ARSG: variants seen among roughly 807,000 people sequenced by gnomAD.
The protein encoded by ARSG is ASG.
A neutral mutation model predicts 50.5 loss-of-function variants in ARSG; 37 were observed. That is an observed-to-expected ratio of 0.73 (90% CI 0.56 to 0.96). ARSG has a LOEUF of 0.96. Among genes scored for constraint, ARSG ranks in the 50% least tolerant of loss-of-function variants. ARSG has a pLI of 0.00. For missense variants in ARSG, 629 were observed against 675.3 expected, an observed-to-expected ratio of 0.93 and a Z score of 0.76; for synonymous variants, 225 against 254.6, an observed-to-expected ratio of 0.88 and a Z score of 1.11.
intron 8 of ARSG, chr17:68,379,828 G>A (rs926131585): frequency 1.2e-5 from 12 of 985,226 alleles, no homozygotes; most frequent in African/African-American, 5.2e-5. Flanking sequence ...TGTGATCTCT[G>A]CTATTTTCTC....
Position 68,393,679 on chromosome 17 carries a change from C to T in ARSG, c.1092-1394C>T, listed in dbSNP as rs1322331450. 2.0e-5 allele frequency among the ~76,000 whole-genome samples: 3 copies of T among 151,944 alleles called. No homozygotes were observed. The East Asian group carries it at 5.8e-4, about 29-fold the overall frequency. ...GTCAGGAGTTTGAGACCAACCTGGC[C>T]AACACGGCGAAACCCCATCTCTACT... On this transcript the variant is annotated intron_variant, in intron 9 of 11. Coordinates refer to ENST00000621439, the MANE Select transcript of ARSG (RefSeq NM_001267727.2).
intron 8 of ARSG, chr17:68,379,793 C>A (rs1779995516): frequency 1.0e-6 from 1 of 984,754 alleles, no homozygotes; most frequent in Non-Finnish European, 1.2e-6. Context: ...AAACACTAGG[C>A]ATGCCCAACC....
At chr17:68,432,305 G>A in the ARSG span, among the ~76,000 whole-genome samples, 1 of 152,198 alleles carries the variant, frequency 6.6e-6, no homozygotes, top group Admixed American at 6.5e-5. Context: ...GGCAGCGTGG[G>A]CTTGCTTTAA....
chr17:68,307,736 C>A (rs782367778), intron 2 of ARSG, 25 bp downstream of exon 2: 5 of 1,300,152 alleles, frequency 3.8e-6, no homozygotes, highest in South Asian at 1.2e-5. Flanking sequence ...GCCAGGCCAG[C>A]CTTTCTTTGG....
chr17:68,437,783 T>C, the ARSG span, among the ~76,000 whole-genome samples: 2 of 151,706 alleles, frequency 1.3e-5, no homozygotes, highest in African/African-American at 4.8e-5. Flanking sequence ...ACATAAGCTG[T>C]TTTTATTTAT....
intron 2 of ARSG, among the ~76,000 whole-genome samples, chr17:68,327,522 C>T (rs149754568): frequency 0.014 from 2,185 of 152,188 alleles, 14 homozygotes; most frequent in Non-Finnish European, 0.021. Context: ...GCCATCTTCC[C>T]TCTGTGTGTC....
chr17:68,340,611 TCCCAAG>T (rs978874958), intron 2 of ARSG, among the ~76,000 whole-genome samples: 1 of 152,140 alleles, frequency 6.6e-6, no homozygotes, highest in African/African-American at 2.4e-5. Context: ...GCCCACATTG[TCCCAAG>T]TTTGGCCAGG....
At chr17:68,314,136 C>T (rs782066310) in intron 2 of ARSG, among the ~76,000 whole-genome samples, 3 of 152,100 alleles carry the variant, frequency 2.0e-5, no homozygotes, top group African/African-American at 4.8e-5. Context: ...TCTGTGGCCC[C>T]GGGCAAACTG....
intron 9 of ARSG, among the ~76,000 whole-genome samples, chr17:68,391,694 C>T (rs1195864249): frequency 6.6e-6 from 1 of 152,200 alleles, no homozygotes; most frequent in African/African-American, 2.4e-5. Flanking sequence ...TTTCAGACTG[C>T]TTTGTGGTCC....
At chr17:68,326,011 C>A (rs1442208530) in intron 2 of ARSG, among the ~76,000 whole-genome samples, 1 of 152,074 alleles carries the variant, frequency 6.6e-6, no homozygotes, top group East Asian at 1.9e-4. Flanking sequence ...GAGTGCAGGA[C>A]CCGAGCTGCT....
the ARSG span, among the ~76,000 whole-genome samples, chr17:68,441,584 C>T: frequency 8.9e-4 from 135 of 152,238 alleles, 1 homozygote; most frequent in African/African-American, 3.1e-3. Context: ...TGAAGGTTCC[C>T]GAGTGAGGAC....
intron 1 of ARSG, chr17:68,270,976 A>G: frequency 3.1e-6 from 5 of 1,614,228 alleles, no homozygotes; most frequent in South Asian, 1.1e-5. Context: ...TGTTCCAACC[A>G]TAAACCCAAA....
chr17:68,332,269 A>G (rs2077809121), intron 2 of ARSG, among the ~76,000 whole-genome samples: 1 of 152,236 alleles, frequency 6.6e-6, no homozygotes, highest in Non-Finnish European at 1.5e-5. Context: ...TTTTGAAAGA[A>G]GAGAAATATA....
downstream of ARSG, chr17:68,421,648 T>C (rs1185888339): frequency 2.2e-5 from 30 of 1,391,560 alleles, no homozygotes; most frequent in South Asian, 3.1e-4. Flanking sequence ...GTTTAAGCAG[T>C]GGAGCACCCG....
Position 68,414,648 on chromosome 17 carries a change from C to G in ARSG, c.1304-5541C>G, listed in dbSNP as rs140416509. On this transcript the variant is annotated intron_variant, in intron 11 of 11. Coordinates refer to ENST00000621439, the MANE Select transcript of ARSG (RefSeq NM_001267727.2). Reference sequence around the variant, plus strand: ...TGGTGGAATTCTGCTGTGGATCCATCTGGTCCTAGACTTTTGTTGTTGTTG... The same window carrying G: ...TGGTGGAATTCTGCTGTGGATCCATGTGGTCCTAGACTTTTGTTGTTGTTG... 9.9e-4 allele frequency among the ~76,000 whole-genome samples: 150 copies of G among 151,948 alleles called. 1 individual carries two copies. In the East Asian group the frequency reaches 0.02, roughly 20 times the overall value.
At chr17:68,408,745 T>G (rs2081863635) in intron 11 of ARSG, among the ~76,000 whole-genome samples, 1 of 150,610 alleles carries the variant, frequency 6.6e-6, no homozygotes, top group East Asian at 1.9e-4. Flanking sequence ...CCACCAACAG[T>G]GTAAAAGTGT....
intron 11 of ARSG, among the ~76,000 whole-genome samples, chr17:68,416,949 C>T (rs2082408218): frequency 6.6e-6 from 1 of 152,218 alleles, no homozygotes; most frequent in South Asian, 2.1e-4. Context: ...TAATAACTAA[C>T]CTCCTGAATT....
intron 1 of ARSG, among the ~76,000 whole-genome samples, chr17:68,291,947 G>A (rs1599583580): frequency 2.6e-5 from 4 of 152,036 alleles, no homozygotes; most frequent in African/African-American, 9.7e-5. Flanking sequence ...GCCCCGGGCA[G>A]AACAGGTTCC....
chr17:68,334,652 G>A (rs2077932142), intron 2 of ARSG, among the ~76,000 whole-genome samples: 1 of 152,058 alleles, frequency 6.6e-6, no homozygotes, highest in African/African-American at 2.4e-5. Context: ...GCAAGCAGAT[G>A]GTCAGGCTGG....
Sources: allele counts gnomAD v4.1 joint callset (sites outside exome capture counted in the v4.1 genomes callset), GRCh38; gene constraint gnomAD v4.1.1; transcripts MANE v1.5; gene names NCBI Gene and HGNC (gene_info 2026-07-23, HGNC 2026-07-21).